FGF13: variants seen among roughly 807,000 people sequenced by gnomAD.
FGF13 encodes the protein fibroblast growth factor 13, also known as fibroblast growth factor homologous factor 2.
A neutral mutation model predicts 19.5 loss-of-function variants in FGF13; 2 were observed. That is an observed-to-expected ratio of 0.10 (90% CI 0.04 to 0.32). The LOEUF (loss-of-function observed/expected upper bound fraction) is 0.32, where lower values mean the gene tolerates loss of function less well. Among genes scored for constraint, FGF13 ranks in the 10% least tolerant of loss-of-function variants. The pLI, the probability that FGF13 is intolerant of heterozygous loss-of-function variation, is 1.00. For missense variants in FGF13, 113 were observed against 192.7 expected (o/e 0.59, Z 2.45); for synonymous variants, 72 against 76.9 (o/e 0.94, Z 0.33).
intron 3 of FGF13, among the ~76,000 whole-genome samples, chrX:138,830,759 AG>A (rs2091067443): frequency 9.9e-6 from 1 of 101,081 alleles, no homozygotes; most frequent in Non-Finnish European, 2.0e-5. Flanking sequence ...GTAGGAGAAA[AG>A]GTGTGTTTAG....
At chrX:138,691,492 C>T (rs1309110130) in intron 3 of FGF13, among the ~76,000 whole-genome samples, 2 of 111,520 alleles carry the variant, frequency 1.8e-5, no homozygotes, top group Non-Finnish European at 3.8e-5. Flanking sequence ...ACTTTCATTT[C>T]CTGGTATCTC....
intron 1 of FGF13, among the ~76,000 whole-genome samples, chrX:138,913,236 G>A (rs191727138): frequency 3.8e-3 from 274 of 72,668 alleles, no homozygotes; most frequent in African/African-American, 0.015. Context: ...TGTTGATCTT[G>A]GCTCACTGCA....
chrX:138,844,958 A>C lies in FGF13; in HGVS notation c.217+12554T>G, dbSNP rs538356367. Among the ~76,000 whole-genome samples, 18 of 111,480 alleles carry C rather than the reference A, an allele frequency of 1.6e-4. No homozygotes were observed. In the Admixed American group the frequency reaches 1.7e-3, roughly 11 times the overall value. ...TAATAAATGAATATTAAAATAGATAAATAAGACTTGAAAAACACATGGAGA... is the reference window on the plus strand; with the variant it reads ...TAATAAATGAATATTAAAATAGATACATAAGACTTGAAAAACACATGGAGA... On this transcript the variant is annotated intron_variant, in intron 3 of 6. Transcript: ENST00000436198.
intron 1 of FGF13, among the ~76,000 whole-genome samples, chrX:139,070,917 CA>C (rs1349233759): frequency 9.0e-6 from 1 of 110,944 alleles, no homozygotes; most frequent in African/African-American, 3.3e-5. Flanking sequence ...TGTTCTCACT[CA>C]TAAGTGGGAG....
Position 138,631,367 on chromosome X carries a change from T to C in FGF13, c.*1483A>G, listed in dbSNP as rs986357503. ...GTATAATTTGACTACTGAACGGGAA[T>C]GTGAATTCCTTTGTACCAATCTGAA... On this transcript the variant is annotated 3_prime_UTR_variant, in exon 5 of 5. Coordinates refer to ENST00000315930, the MANE Select transcript of FGF13 (RefSeq NM_004114.5). 8.9e-6 allele frequency: 1 copy of C among 111,790 alleles called. No individual in the cohort carries two copies. The allele number at this position is 111,790 out of a possible 1,213,427, so 9.2% of individuals were successfully genotyped here. A position where few individuals can be genotyped will look rare whatever the true frequency, so the allele number is the denominator to read the frequency against.
chrX:138,917,975 T>C (rs1029664239), intron 1 of FGF13, among the ~76,000 whole-genome samples: 1 of 111,562 alleles, frequency 9.0e-6, no homozygotes, highest in Non-Finnish European at 1.9e-5. Context: ...GAAAGGAATG[T>C]CCATTATTAC....
intron 3 of FGF13, among the ~76,000 whole-genome samples, chrX:138,780,021 A>C (rs1344846564): frequency 9.8e-6 from 1 of 101,938 alleles, no homozygotes; most frequent in Non-Finnish European, 2.0e-5. Flanking sequence ...AACATTCTTA[A>C]AGAAAAGAAT....
intron 1 of FGF13, among the ~76,000 whole-genome samples, chrX:138,926,934 C>T (rs1307186258): frequency 5.4e-5 from 6 of 111,210 alleles, no homozygotes; most frequent in Middle Eastern, 4.7e-3. Flanking sequence ...CCAGCCTGGG[C>T]GACAAAGCAA....
At position 138,622,980 on chromosome X, in the gene FGF13, AG is replaced by A. The variant is rs2089026790; in HGVS notation, c.*9869del. The A allele has an allele frequency of 8.9e-6, 1 of 112,111 alleles. No homozygotes were observed. The highest frequency in any genetic ancestry group is 1.9e-5 in the Non-Finnish European group (1 of 53,226). The allele number at this position is 112,111 out of a possible 1,213,427, so 9.2% of individuals were successfully genotyped here. On this transcript the variant is annotated 3_prime_UTR_variant, in exon 5 of 5. Coordinates refer to ENST00000315930, the MANE Select transcript of FGF13 (RefSeq NM_004114.5). ...CAATATTTTATAGTTTTTAATATAA[AG>A]ATCTTTCACCTCCTTTGCTAAATTT... is the stretch of plus-strand genomic sequence containing the variant.
chrX:138,883,936 C>T (rs1457655279), intron 1 of FGF13, among the ~76,000 whole-genome samples: 1 of 112,266 alleles, frequency 8.9e-6, no homozygotes, highest in Non-Finnish European at 1.9e-5. Context: ...CATTATCTTT[C>T]CCTGACACTT....
chrX:139,155,899 T>C (rs766623326), intron 1 of FGF13, among the ~76,000 whole-genome samples: 1 of 112,135 alleles, frequency 8.9e-6, no homozygotes, highest in Non-Finnish European at 1.9e-5. Flanking sequence ...CTTGGGATCA[T>C]GGTTTAGGGA....
At chrX:138,771,073 C>T (rs2090542185) in intron 3 of FGF13, among the ~76,000 whole-genome samples, 1 of 111,574 alleles carries the variant, frequency 9.0e-6, no homozygotes, top group South Asian at 3.9e-4. Flanking sequence ...ACCGATGGAC[C>T]TCCACAGCTT....
At chrX:139,031,900 A>T (rs1325024454) in intron 1 of FGF13, among the ~76,000 whole-genome samples, 1 of 110,694 alleles carries the variant, frequency 9.0e-6, no homozygotes, top group Non-Finnish European at 1.9e-5. Flanking sequence ...AACTCTGGTT[A>T]GATTATTAAA....
In FGF13 at chrX:139,021,753, G is replaced by C. The variant is rs138537606; in HGVS notation, c.-112-157103C>G. On this transcript the variant is annotated intron_variant, in intron 1 of 2. Transcript: ENST00000421460. The stretch of plus-strand genomic sequence containing the variant: ...TTATTATGAAAGACAGGAAGGAAGG[G>C]AAAGAGAAAGAGACCTACCAGCCTG... Among the ~76,000 whole-genome samples the C allele has an allele frequency of 2.8e-3, 316 of 111,424 alleles. 2 individuals are homozygous for C. Among genetic ancestry groups the C allele is most frequent in the African/African-American group, 0.01 (308 of 30,772 alleles).
intron 1 of FGF13, among the ~76,000 whole-genome samples, chrX:138,877,338 C>G (rs1178128692): frequency 4.5e-5 from 5 of 111,199 alleles, no homozygotes; most frequent in African/African-American, 1.3e-4. Flanking sequence ...TTTATTTTCT[C>G]TATTAGAGAA....
At chrX:138,966,821 C>T (rs2091896870) in intron 1 of FGF13, among the ~76,000 whole-genome samples, 1 of 111,448 alleles carries the variant, frequency 9.0e-6, no homozygotes, top group South Asian at 3.8e-4. Flanking sequence ...TAATAATCTT[C>T]TTCTGTCAAG....
At position 139,016,530 on chromosome X, in the gene FGF13, C is replaced by G. The variant is rs57570311; in HGVS notation, c.-112-151880G>C. On this transcript the variant is annotated intron_variant, in intron 1 of 2. Transcript: ENST00000421460. The stretch of plus-strand genomic sequence containing the variant: ...GTGATGGAGTTGTCCCAGCACTCTC[C>G]TCTCCTCTCGCCTTTTCCTTCTAGC... Among the ~76,000 whole-genome samples, 979 of 112,015 alleles carry G rather than the reference C, an allele frequency of 8.7e-3. 11 individuals carry two copies. Among genetic ancestry groups the G allele is most frequent in the African/African-American group, 0.029 (905 of 30,873 alleles).
At chrX:138,695,412 AT>A (rs1356495872) in intron 3 of FGF13, among the ~76,000 whole-genome samples, 2 of 111,856 alleles carry the variant, frequency 1.8e-5, no homozygotes, top group African/African-American at 6.5e-5. Context: ...AAATGAACAT[AT>A]TTTTTACTTA....
At chrX:139,200,087 G>C (rs888507243) in intron 1 of FGF13, among the ~76,000 whole-genome samples, 2 of 111,825 alleles carry the variant, frequency 1.8e-5, no homozygotes, top group Non-Finnish European at 3.8e-5. Context: ...AGAAAAGACC[G>C]TGTGGCTTAT....
Sources: allele counts gnomAD v4.1 joint callset (sites outside exome capture counted in the v4.1 genomes callset), GRCh38; gene constraint gnomAD v4.1.1; transcripts MANE v1.5; gene names NCBI Gene and HGNC (gene_info 2026-07-23, HGNC 2026-07-21).